Variants in PPP3CA observed in about 807,000 individuals in gnomAD.
PPP3CA encodes protein phosphatase 3 catalytic subunit alpha, also known as CAM-PRP catalytic subunit.
In PPP3CA, 14 loss-of-function variants were observed where a neutral mutation model predicts 66.5. The ratio of observed to expected loss-of-function variants is 0.21; its 90% CI spans 0.14 to 0.33. The LOEUF (loss-of-function observed/expected upper bound fraction) is 0.33. Ranked by LOEUF, PPP3CA falls within the 10% of genes least tolerant of loss-of-function variation. The probability of loss-of-function intolerance (pLI) is 1.00; values close to 1 mark genes in which losing one functional copy is unlikely to be tolerated. For synonymous variants in PPP3CA, 232 were observed against 226.2 expected (o/e 1.03, Z -0.23); for missense variants, 317 against 639.5 (o/e 0.50, Z 5.44).
intron 2 of PPP3CA, among the ~76,000 whole-genome samples, chr4:101,146,197 T>G (rs1156424338): frequency 6.6e-6 from 1 of 152,224 alleles, no homozygotes; most frequent in Non-Finnish European, 1.5e-5. Flanking sequence ...ATCCATATTC[T>G]CTGCTTTATC....
intron 1 of PPP3CA, among the ~76,000 whole-genome samples, chr4:101,212,608 C>T (rs1432761547): frequency 6.6e-6 from 1 of 151,916 alleles, no homozygotes; most frequent in Non-Finnish European, 1.5e-5. Context: ...CACATGTACC[C>T]CTAAATTTAA....
intron 1 of PPP3CA, among the ~76,000 whole-genome samples, chr4:101,204,966 G>T (rs1023533443): frequency 2.7e-5 from 4 of 146,706 alleles, no homozygotes; most frequent in African/African-American, 1.0e-4. Flanking sequence ...AACTATCTTG[G>T]ATCTCCATAC....
chr4:101,328,200 T>C lies in PPP3CA; in HGVS notation c.58+18539A>G, dbSNP rs190000742. ...ACCTGCAACTACCTCAACCACAGAA[T>C]TTCTCAAAGTGAATCAAACAAGGTT... On this transcript the variant is annotated intron_variant, in intron 1 of 13. Transcript: ENST00000394854. 2.8e-4 allele frequency among the ~76,000 whole-genome samples: 43 copies of C among 152,286 alleles called. No homozygotes were observed. The East Asian group carries it at 7.9e-3, about 28-fold the overall frequency.
intron 1 of PPP3CA, among the ~76,000 whole-genome samples, chr4:101,278,132 AAAAAAAAT>A (rs1354717969): frequency 1.4e-5 from 2 of 143,370 alleles, no homozygotes; most frequent in African/African-American, 3.0e-5. Flanking sequence ...TAAAAAAAAA[AAAAAAAAT>A]AAAAAAATTA....
At chr4:101,342,192 T>C (rs1729839613) in intron 1 of PPP3CA, among the ~76,000 whole-genome samples, 1 of 152,174 alleles carries the variant, frequency 6.6e-6, no homozygotes, top group Non-Finnish European at 1.5e-5. Flanking sequence ...TAGATGTTAA[T>C]TTTTTCCTAT....
intron 8 of PPP3CA, among the ~76,000 whole-genome samples, chr4:101,066,965 A>C (rs530767858): frequency 6.6e-6 from 1 of 152,302 alleles, no homozygotes; most frequent in East Asian, 1.9e-4. Context: ...AAAGAACAAA[A>C]GTCTACTACC....
At chr4:101,277,609 A>G (rs1439772848) in intron 1 of PPP3CA, among the ~76,000 whole-genome samples, 1 of 152,226 alleles carries the variant, frequency 6.6e-6, no homozygotes, top group Non-Finnish European at 1.5e-5. Flanking sequence ...AATTCCTGTT[A>G]GACAAAAATA....
chr4:101,176,392 T>C lies in PPP3CA; in HGVS notation c.259+19524A>G, dbSNP rs150112556. Among the ~76,000 whole-genome samples the C allele has an allele frequency of 2.9e-3, 436 of 152,142 alleles. 7 individuals are homozygous for C. The highest frequency in any genetic ancestry group is 9.5e-3 in the African/African-American group (396 of 41,522). On this transcript the variant is annotated intron_variant, in intron 2 of 13. Transcript: ENST00000394854. ...TTCTCCATTGTTATTCGGAAGGAAA[T>C]AGATGACAAACAAAGAAGGGTCGGG...
rs567803921 is a variant in PPP3CA at position 101,081,787 on chromosome 4, A to G, written c.861-1161T>C. On this transcript the variant is annotated intron_variant, in intron 7 of 13. Coordinates refer to ENST00000394854, the MANE Select transcript of PPP3CA (RefSeq NM_000944.5). ...TATAAAAGAAAATGCCCCCTTAAAA[A>G]CCTTTTGAAATGTTCTAAAAGTATG... 5.3e-5 allele frequency among the ~76,000 whole-genome samples: 8 copies of G among 152,188 alleles called. No homozygotes were observed. The East Asian group carries it at 1.4e-3, about 26-fold the overall frequency.
At chr4:101,142,062 AAAAAG>A (rs1722826638) in intron 2 of PPP3CA, among the ~76,000 whole-genome samples, 1 of 152,108 alleles carries the variant, frequency 6.6e-6, no homozygotes, top group Non-Finnish European at 1.5e-5. Context: ...AAAAAAAAAA[AAAAAG>A]AAGAAGTTAT....
chr4:101,324,538 GA>G (rs1433143668), intron 1 of PPP3CA, among the ~76,000 whole-genome samples: 1 of 151,968 alleles, frequency 6.6e-6, no homozygotes, highest in African/African-American at 2.4e-5. Flanking sequence ...ACAAACAGAA[GA>G]ACATTTAAAA....
chr4:101,193,959 G>C (rs1724705642), intron 2 of PPP3CA, among the ~76,000 whole-genome samples: 1 of 152,162 alleles, frequency 6.6e-6, no homozygotes, highest in Admixed American at 6.5e-5. Context: ...AAGGACTAGA[G>C]GAAAATATGG....
chr4:101,215,716 T>C (rs754691595), intron 1 of PPP3CA, among the ~76,000 whole-genome samples: 15 of 152,104 alleles, frequency 9.9e-5, no homozygotes, highest in Admixed American at 5.9e-4. Flanking sequence ...TTTCATCATG[T>C]AAGCATTTAA....
At chr4:101,082,753 C>G (rs1370980745) in intron 7 of PPP3CA, among the ~76,000 whole-genome samples, 1 of 152,074 alleles carries the variant, frequency 6.6e-6, no homozygotes, top group Non-Finnish European at 1.5e-5. Context: ...GAATGGTATT[C>G]AGGATTAGGA....
intron 2 of PPP3CA, among the ~76,000 whole-genome samples, chr4:101,123,011 AAAT>A (rs1282599470): frequency 6.6e-6 from 1 of 152,208 alleles, no homozygotes; most frequent in Non-Finnish European, 1.5e-5. Flanking sequence ...TTATAAATTA[AAAT>A]AATAAGTGAA....
intron 1 of PPP3CA, among the ~76,000 whole-genome samples, chr4:101,247,521 A>G (rs1173680027): frequency 2.0e-5 from 3 of 152,140 alleles, no homozygotes; most frequent in Non-Finnish European, 4.4e-5. Flanking sequence ...ATGTCCCATT[A>G]TACTATTCTG....
intron 1 of PPP3CA, among the ~76,000 whole-genome samples, chr4:101,199,906 T>C (rs1724916593): frequency 1.3e-5 from 2 of 152,214 alleles, no homozygotes; most frequent in South Asian, 2.1e-4. Context: ...ATTAAAGCTG[T>C]TGTCAGTTAT....
At chr4:101,041,516 C>T (rs762243691) in intron 10 of PPP3CA, among the ~76,000 whole-genome samples, 1 of 144,170 alleles carries the variant, frequency 6.9e-6, no homozygotes, top group Non-Finnish European at 1.5e-5. Context: ...CTCACTGCAA[C>T]CTCTGCCTCC....
intron 1 of PPP3CA, among the ~76,000 whole-genome samples, chr4:101,254,192 G>C (rs1005673151): frequency 6.6e-6 from 1 of 151,960 alleles, no homozygotes; most frequent in East Asian, 1.9e-4. Context: ...ATTGGTTTAC[G>C]TATCTGCCTG....
Sources: allele counts gnomAD v4.1 joint callset (sites outside exome capture counted in the v4.1 genomes callset), GRCh38; gene constraint gnomAD v4.1.1; transcripts MANE v1.5; gene names NCBI Gene and HGNC (gene_info 2026-07-23, HGNC 2026-07-21).